Variants in CACNA2D3 observed in about 807,000 individuals in gnomAD.
CACNA2D3 encodes voltage-dependent calcium channel subunit alpha-2/delta-3.
Under a neutral mutation model 160.6 loss-of-function variants are expected in CACNA2D3, and 60 were observed. The ratio of observed to expected loss-of-function variants is 0.37; its 90% CI spans 0.30 to 0.46. The LOEUF is 0.46. Among genes scored for constraint, CACNA2D3 ranks in the 20% least tolerant of loss-of-function variants. CACNA2D3 has a pLI of 1.00. For synonymous variants in CACNA2D3, 558 were observed against 492.9 expected (o/e 1.13, Z -1.75); for missense variants, 1,205 against 1,365.0 (o/e 0.88, Z 1.85).
At chr3:54,990,350 G>T (rs1035800624) in intron 31 of CACNA2D3, among the ~76,000 whole-genome samples, 2 of 152,190 alleles carry the variant, frequency 1.3e-5, no homozygotes, top group African/African-American at 4.8e-5. Context: ...GGCCAACAAG[G>T]TGAAACGCTG....
intron 3 of CACNA2D3, among the ~76,000 whole-genome samples, chr3:54,365,234 T>C (rs1046348229): frequency 6.6e-6 from 1 of 152,190 alleles, no homozygotes; most frequent in Non-Finnish European, 1.5e-5. Flanking sequence ...CAACAGACAA[T>C]TCAGTGACTT....
At chr3:55,055,302 G>A (rs1704334399) in intron 35 of CACNA2D3, among the ~76,000 whole-genome samples, 2 of 152,062 alleles carry the variant, frequency 1.3e-5, no homozygotes, top group South Asian at 4.1e-4. Context: ...CACACCATGT[G>A]TTGAAGAGAC....
intron 9 of CACNA2D3, among the ~76,000 whole-genome samples, chr3:54,598,205 G>T (rs1341121153): frequency 1.4e-5 from 2 of 147,260 alleles, no homozygotes; most frequent in Non-Finnish European, 3.0e-5. Context: ...CTACTTAGGA[G>T]ACTGAGGCAG....
intron 2 of CACNA2D3, among the ~76,000 whole-genome samples, chr3:54,288,604 G>T (rs1484137259): frequency 1.3e-5 from 2 of 152,062 alleles, no homozygotes; most frequent in African/African-American, 4.8e-5. Context: ...CCAAAGCCGG[G>T]CAGAGACACA....
intron 2 of CACNA2D3, among the ~76,000 whole-genome samples, chr3:54,218,922 C>A (rs915884155): frequency 6.6e-6 from 1 of 152,162 alleles, no homozygotes; most frequent in Admixed American, 6.5e-5. Context: ...CTGAGTCCAC[C>A]CAGATAATCC....
At chr3:54,780,323 G>C (rs534964278) in intron 13 of CACNA2D3, among the ~76,000 whole-genome samples, 1 of 152,186 alleles carries the variant, frequency 6.6e-6, no homozygotes, top group Non-Finnish European at 1.5e-5. Context: ...AGGGACATTT[G>C]GGGGATGAAC....
intron 9 of CACNA2D3, among the ~76,000 whole-genome samples, chr3:54,612,613 T>G (rs1202462204): frequency 6.6e-6 from 1 of 152,190 alleles, no homozygotes; most frequent in Non-Finnish European, 1.5e-5. Flanking sequence ...AAATTTCCTT[T>G]AATTTCAATT....
intron 13 of CACNA2D3, among the ~76,000 whole-genome samples, chr3:54,809,495 T>C (rs1038940876): frequency 4.2e-5 from 6 of 144,484 alleles, no homozygotes; most frequent in Non-Finnish European, 8.9e-5. Context: ...ATTTTTTGTA[T>C]TTTTAGTAGA....
chr3:54,607,686 T>C (rs1698664565), intron 9 of CACNA2D3, among the ~76,000 whole-genome samples: 1 of 152,224 alleles, frequency 6.6e-6, no homozygotes, highest in Non-Finnish European at 1.5e-5. Context: ...AACATATGGA[T>C]ACTGTATGAC....
chr3:54,781,202 G>A (rs1169447726), intron 13 of CACNA2D3, among the ~76,000 whole-genome samples: 1 of 152,224 alleles, frequency 6.6e-6, no homozygotes, highest in African/African-American at 2.4e-5. Context: ...GACACAGCAA[G>A]GGCTGGGCCT....
chr3:54,630,115 C>T (rs547757246), intron 10 of CACNA2D3, among the ~76,000 whole-genome samples: 1 of 152,132 alleles, frequency 6.6e-6, no homozygotes, highest in Non-Finnish European at 1.5e-5. Flanking sequence ...GTCACACACC[C>T]GTGAGGTGGT....
At chr3:54,327,095 G>A (rs976721418) in intron 3 of CACNA2D3, among the ~76,000 whole-genome samples, 2 of 152,094 alleles carry the variant, frequency 1.3e-5, no homozygotes, top group South Asian at 4.1e-4. Context: ...TTTGGTTAAT[G>A]GCTGAGAACA....
At chr3:54,334,596 T>C (rs1161479038) in intron 3 of CACNA2D3, among the ~76,000 whole-genome samples, 1 of 152,188 alleles carries the variant, frequency 6.6e-6, no homozygotes, top group Non-Finnish European at 1.5e-5. Context: ...GTGGCAGGGA[T>C]TGTGACTCTC....
At chr3:54,400,512 A>G (rs1011098387) in intron 4 of CACNA2D3, among the ~76,000 whole-genome samples, 1 of 152,148 alleles carries the variant, frequency 6.6e-6, no homozygotes, top group East Asian at 1.9e-4. Flanking sequence ...CATTGTGTGG[A>G]AAGAAAGAAG....
chr3:54,224,395 G>C (rs1380061643), intron 2 of CACNA2D3, among the ~76,000 whole-genome samples: 2 of 152,036 alleles, frequency 1.3e-5, no homozygotes, highest in African/African-American at 4.8e-5. Flanking sequence ...ATTATGTACT[G>C]TACGTAACTA....
chr3:54,789,181 A>G (rs1702696869), intron 13 of CACNA2D3, among the ~76,000 whole-genome samples: 2 of 152,216 alleles, frequency 1.3e-5, no homozygotes, highest in Non-Finnish European at 2.9e-5. Flanking sequence ...GTCTTATGAG[A>G]TAGGTATTAT....
chr3:54,533,655 A>T (rs1383224618), intron 5 of CACNA2D3, among the ~76,000 whole-genome samples: 1 of 152,074 alleles, frequency 6.6e-6, no homozygotes, highest in Non-Finnish European at 1.5e-5. Flanking sequence ...TTTTCTGTCA[A>T]GCATCATGCT....
chr3:54,180,100 C>T (rs201055947), intron 2 of CACNA2D3, among the ~76,000 whole-genome samples: 6 of 127,804 alleles, frequency 4.7e-5, no homozygotes, highest in Admixed American at 7.9e-5. Context: ...TGTCTTTTGC[C>T]TTTTTTTTTT....
chr3:54,924,604 A>G, intron 27 of CACNA2D3: 3 of 1,596,542 alleles, frequency 1.9e-6, no homozygotes, highest in Non-Finnish European at 2.6e-6. Flanking sequence ...GGGGTTCCAA[A>G]TAGACATGAC....
Sources: allele counts gnomAD v4.1 joint callset (sites outside exome capture counted in the v4.1 genomes callset), GRCh38; gene constraint gnomAD v4.1.1; transcripts MANE v1.5; gene names NCBI Gene and HGNC (gene_info 2026-07-23, HGNC 2026-07-21).